Variants in DPP10 observed in about 807,000 individuals in gnomAD.
DPP10 encodes the protein inactive dipeptidyl peptidase 10.
In DPP10, 33 loss-of-function variants were observed where a neutral mutation model predicts 120.9. The ratio of observed to expected loss-of-function variants is 0.27; its 90% CI spans 0.21 to 0.37. The LOEUF (loss-of-function observed/expected upper bound fraction) is 0.37. Ranked by LOEUF, DPP10 falls within the 10% of genes least tolerant of loss-of-function variation. The pLI, the probability that DPP10 is intolerant of heterozygous loss-of-function variation, is 1.00. For missense variants in DPP10, 816 were observed against 942.8 expected (o/e 0.87, Z 1.76); for synonymous variants, 337 against 326.1 (o/e 1.03, Z -0.36).
chr2:114,503,378 C>G (rs750965086), intron 1 of DPP10, among the ~76,000 whole-genome samples: 1 of 152,050 alleles, frequency 6.6e-6, no homozygotes, highest in Non-Finnish European at 1.5e-5. Context: ...ACTTTATAAC[C>G]AGGGTATATA....
intron 1 of DPP10, among the ~76,000 whole-genome samples, chr2:114,452,678 G>GA (rs775007902): frequency 9.9e-5 from 15 of 152,010 alleles, no homozygotes; most frequent in Non-Finnish European, 1.9e-4. Flanking sequence ...GAAAATAACA[G>GA]AAAAATTTAA....
chr2:115,805,808 C>T (rs1218943026), intron 19 of DPP10, among the ~76,000 whole-genome samples: 1 of 152,096 alleles, frequency 6.6e-6, no homozygotes, highest in African/African-American at 2.4e-5. Flanking sequence ...CTCCTGACCT[C>T]AGGTGGTCCG....
intron 3 of DPP10, among the ~76,000 whole-genome samples, chr2:115,352,648 G>C (rs2064111730): frequency 1.3e-5 from 2 of 152,082 alleles, no homozygotes; most frequent in South Asian, 4.1e-4. Flanking sequence ...CAGTCCCTTT[G>C]ATCAACGACA....
chr2:115,482,343 G>C (rs1207855067), intron 3 of DPP10, among the ~76,000 whole-genome samples: 1 of 151,564 alleles, frequency 6.6e-6, no homozygotes, highest in South Asian at 2.1e-4. Context: ...GAACAAATTA[G>C]CATATTCATC....
chr2:114,982,398 TA>T (rs776130730), intron 1 of DPP10, among the ~76,000 whole-genome samples: 7 of 151,862 alleles, frequency 4.6e-5, no homozygotes, highest in South Asian at 2.1e-4. Context: ...TCTATAAAGA[TA>T]AAAAAAACAG....
intron 1 of DPP10, among the ~76,000 whole-genome samples, chr2:114,694,188 T>G (rs1364737809): frequency 2.6e-5 from 4 of 152,042 alleles, no homozygotes; most frequent in Admixed American, 2.0e-4. Flanking sequence ...ATAATAAAAA[T>G]ACCCTCCTCA....
At chr2:115,588,060 T>C (rs80147127) in intron 5 of DPP10, among the ~76,000 whole-genome samples, 347 of 152,360 alleles carry the variant, frequency 2.3e-3, no homozygotes, top group African/African-American at 8.1e-3. Flanking sequence ...AAAAAATCTA[T>C]TGACCTTTTC....
chr2:115,573,476 G>T (rs573922379), intron 5 of DPP10, among the ~76,000 whole-genome samples: 20 of 151,276 alleles, frequency 1.3e-4, no homozygotes, highest in African/African-American at 4.4e-4. Context: ...TAGAGGCGGG[G>T]TTTCACCGTG....
At chr2:115,309,665 T>G in intron 2 of DPP10, among the ~76,000 whole-genome samples, 1 of 152,100 alleles carries the variant, frequency 6.6e-6, no homozygotes, top group Admixed American at 6.6e-5. Flanking sequence ...GACATTTGAC[T>G]TTTATTGTGG....
chr2:115,782,506 C>T lies in DPP10; in HGVS notation c.1531+107C>T, dbSNP rs1414859223. 3 of 1,100,380 alleles carry T rather than the reference C, an allele frequency of 2.7e-6. No individual in the cohort carries two copies. In the Admixed American group the frequency reaches 5.8e-5, roughly 21 times the overall value. 68.2% of individuals were successfully genotyped at this position (1,100,380 alleles called of 1,614,324 possible). On this transcript the variant is annotated intron_variant, in intron 17 of 25. Transcript: ENST00000410059. Reference sequence around the variant, plus strand: ...CTCTATAAATTCTTCTTCAAAAAATCCCCACCATGAGGAAAGCTGCGTGTA... The same window carrying T: ...CTCTATAAATTCTTCTTCAAAAAATTCCCACCATGAGGAAAGCTGCGTGTA...
intron 3 of DPP10, among the ~76,000 whole-genome samples, chr2:115,371,506 T>G (rs1030671462): frequency 2.0e-5 from 3 of 152,200 alleles, no homozygotes; most frequent in Admixed American, 1.3e-4. Flanking sequence ...CCTTTTTCCC[T>G]TCTTCAAAGA....
intron 5 of DPP10, among the ~76,000 whole-genome samples, chr2:115,574,197 C>A (rs1197211036): frequency 6.6e-6 from 1 of 152,146 alleles, no homozygotes; most frequent in South Asian, 2.1e-4. Context: ...TTAATTAGCC[C>A]TCTTCCTCCT....
intron 1 of DPP10, among the ~76,000 whole-genome samples, chr2:114,913,464 G>C (rs1377354771): frequency 6.6e-6 from 1 of 152,138 alleles, no homozygotes; most frequent in East Asian, 1.9e-4. Context: ...TTCAGGGTTA[G>C]AGCACAAATC....
intron 1 of DPP10, among the ~76,000 whole-genome samples, chr2:115,153,203 T>C (rs926552312): frequency 2.6e-5 from 4 of 152,324 alleles, no homozygotes; most frequent in South Asian, 2.1e-4. Context: ...TCCAGGTTAA[T>C]TGCTGCACAA....
At chr2:115,680,544 A>T (rs763587081) in intron 5 of DPP10, among the ~76,000 whole-genome samples, 122 of 151,970 alleles carry the variant, frequency 8.0e-4, no homozygotes, top group Admixed American at 1.6e-3. Flanking sequence ...ACAAAAGTGG[A>T]TGTATACCTC....
chr2:115,514,832 C>T (rs891977511), intron 4 of DPP10, among the ~76,000 whole-genome samples: 1 of 151,800 alleles, frequency 6.6e-6, no homozygotes, highest in South Asian at 2.1e-4. Flanking sequence ...CTTCATAACT[C>T]AGTACCCATT....
At chr2:115,492,911 G>A (rs985546034) in intron 3 of DPP10, among the ~76,000 whole-genome samples, 7 of 152,014 alleles carry the variant, frequency 4.6e-5, no homozygotes, top group Non-Finnish European at 1.0e-4. Flanking sequence ...AAGGTGTTGG[G>A]AATTTAACAA....
chr2:114,450,949 T>C (rs1195499666), intron 1 of DPP10, among the ~76,000 whole-genome samples: 1 of 152,104 alleles, frequency 6.6e-6, no homozygotes, highest in Non-Finnish European at 1.5e-5. Flanking sequence ...CCAAGATGAA[T>C]CATTGCTGAC....
chr2:114,532,296 T>TACACACACACAC (rs56653562), intron 1 of DPP10, among the ~76,000 whole-genome samples: 11 of 74,748 alleles, frequency 1.5e-4, no homozygotes, highest in Middle Eastern at 5.3e-3. Flanking sequence ...TATATATATA[T>TACACACACACAC]ACACACACAC....
Sources: allele counts gnomAD v4.1 joint callset (sites outside exome capture counted in the v4.1 genomes callset), GRCh38; gene constraint gnomAD v4.1.1; transcripts MANE v1.5; gene names NCBI Gene and HGNC (gene_info 2026-07-23, HGNC 2026-07-21).